SASH1: variants seen among roughly 807,000 people sequenced by gnomAD.
The protein encoded by SASH1 is SAM and SH3 domain-containing protein 1.
Under a neutral mutation model 125.2 loss-of-function variants are expected in SASH1, and 44 were observed. The ratio of observed to expected loss-of-function variants is 0.35; its 90% CI spans 0.28 to 0.45. The LOEUF is 0.45. SASH1 is among the 20% of genes least tolerant of loss of function. SASH1 has a pLI of 1.00. For synonymous variants in SASH1, 639 were observed against 649.1 expected (o/e 0.98, Z 0.24); for missense variants, 1,426 against 1,614.5 (o/e 0.88, Z 2.00).
chr6:148,286,953 C>T (rs1779497530), intron 1 of SASH1, among the ~76,000 whole-genome samples: 1 of 152,126 alleles, frequency 6.6e-6, no homozygotes, highest in Non-Finnish European at 1.5e-5. Flanking sequence ...GGTCCCATCA[C>T]CCAGGCTTCC....
At chr6:148,280,944 G>A (rs1779322623) in intron 1 of SASH1, among the ~76,000 whole-genome samples, 1 of 151,526 alleles carries the variant, frequency 6.6e-6, no homozygotes, top group South Asian at 2.1e-4. Flanking sequence ...GTTTTGTTTT[G>A]TTTTGTTGTT....
chr6:148,373,623 G>A (rs1444434236), intron 1 of SASH1, among the ~76,000 whole-genome samples: 2 of 152,140 alleles, frequency 1.3e-5, no homozygotes, highest in Non-Finnish European at 2.9e-5. Flanking sequence ...TGTGTTTAGA[G>A]GGTGCTTGAG....
At chr6:148,201,195 C>G in the SASH1 span, among the ~76,000 whole-genome samples, 1 of 152,152 alleles carries the variant, frequency 6.6e-6, no homozygotes, top group African/African-American at 2.4e-5. Flanking sequence ...TTAATGATGA[C>G]ACGATCATAA....
intron 5 of SASH1, 145 bp from the exon 6 acceptor site, chr6:148,471,272 A>C: frequency 1.6e-6 from 1 of 609,592 alleles, no homozygotes; most frequent in South Asian, 2.3e-5. Flanking sequence ...TCTTTCACTA[A>C]CTGAAAGAAA....
the SASH1 span, among the ~76,000 whole-genome samples, chr6:148,259,237 T>C: frequency 6.6e-6 from 1 of 152,232 alleles, no homozygotes; most frequent in African/African-American, 2.4e-5. Context: ...AACAGAACCA[T>C]CAGAGTTAAT....
At chr6:148,424,651 G>A (rs1775729055) in intron 2 of SASH1, among the ~76,000 whole-genome samples, 1 of 152,172 alleles carries the variant, frequency 6.6e-6, no homozygotes, top group Non-Finnish European at 1.5e-5. Context: ...GTTTACTGGT[G>A]TGAGCCACTG....
chr6:148,514,295 A>T (rs747454547), intron 8 of SASH1, 29 bp from the exon 9 acceptor site: 2 of 1,580,494 alleles, frequency 1.3e-6, no homozygotes, highest in Non-Finnish European at 1.7e-6. Context: ...CAATTACCTG[A>T]TTAACTTTTT....
At chr6:148,545,922 C>T in intron 18 of SASH1, 93 bp from the exon 19 acceptor site, 3 of 1,264,622 alleles carry the variant, frequency 2.4e-6, no homozygotes, top group Non-Finnish European at 3.3e-6. Flanking sequence ...GTCTAAGTGA[C>T]AGTGAGACCC....
intron 1 of SASH1, among the ~76,000 whole-genome samples, chr6:148,304,162 G>A (rs991487316): frequency 6.6e-6 from 1 of 152,180 alleles, no homozygotes; most frequent in East Asian, 1.9e-4. Context: ...AAAATGGCTG[G>A]GCGCAGTGGC....
At chr6:148,401,640 C>T (rs536417229) in intron 2 of SASH1, among the ~76,000 whole-genome samples, 15 of 152,242 alleles carry the variant, frequency 9.9e-5, no homozygotes, top group Middle Eastern at 6.8e-3. Context: ...AATATGAAGA[C>T]GTTCTAAATT....
chr6:148,297,630 C>A lies in SASH1; in HGVS notation n.74+25253C>A, dbSNP rs1021558235. On this transcript the variant is annotated intron_variant and non_coding_transcript_variant, in intron 1 of 3. Coordinates refer to the SASH1 transcript ENST00000367469. ...ATTGCCTGAGGTCAGGAGTTCAAGA[C>A]CAGCCTGGGCAACACGATGAAACAC... Among the ~76,000 whole-genome samples the A allele has an allele frequency of 7.9e-5, 12 of 152,252 alleles. No homozygotes were observed. In the East Asian group the frequency reaches 1.5e-3, roughly 20 times the overall value.
intron 2 of SASH1, among the ~76,000 whole-genome samples, chr6:148,415,969 A>G (rs558102183): frequency 1.0e-3 from 156 of 152,368 alleles, no homozygotes; most frequent in African/African-American, 3.6e-3. Context: ...TTGTGTAATT[A>G]TAGTGTGGGG....
At chr6:148,304,279 A>C (rs939546379) in intron 1 of SASH1, among the ~76,000 whole-genome samples, 1 of 152,102 alleles carries the variant, frequency 6.6e-6, no homozygotes, top group African/African-American at 2.4e-5. Context: ...TCTACTAAAA[A>C]AATACAAAAA....
chr6:148,257,678 T>C, the SASH1 span, among the ~76,000 whole-genome samples: 1 of 149,090 alleles, frequency 6.7e-6, no homozygotes, highest in Non-Finnish European at 1.5e-5. Flanking sequence ...GTCGCCAGGC[T>C]AGAGTGCAGT....
chr6:148,196,861 T>C, the SASH1 span, among the ~76,000 whole-genome samples: 9 of 151,902 alleles, frequency 5.9e-5, no homozygotes, highest in Non-Finnish European at 1.2e-4. Context: ...ATGATGGAAA[T>C]TGATGGATAG....
intron 1 of SASH1, among the ~76,000 whole-genome samples, chr6:148,352,789 C>T (rs1043372521): frequency 6.6e-6 from 1 of 151,496 alleles, no homozygotes; most frequent in African/African-American, 2.4e-5. Context: ...GCCAACATGG[C>T]GAAACCCCAC....
At chr6:148,313,387 T>C (rs1228711468) in intron 1 of SASH1, among the ~76,000 whole-genome samples, 1 of 152,184 alleles carries the variant, frequency 6.6e-6, no homozygotes, top group Admixed American at 6.5e-5. Flanking sequence ...AGCTATTACT[T>C]TCCCTACTAA....
At chr6:148,394,320 T>C (rs1783858332) in intron 2 of SASH1, among the ~76,000 whole-genome samples, 1 of 152,196 alleles carries the variant, frequency 6.6e-6, no homozygotes, top group South Asian at 2.1e-4. Context: ...AGTCTAGATG[T>C]CCATGTTAGA....
chr6:148,312,917 G>A (rs912091099), intron 1 of SASH1, among the ~76,000 whole-genome samples: 1 of 152,086 alleles, frequency 6.6e-6, no homozygotes, highest in Non-Finnish European at 1.5e-5. Flanking sequence ...AAGCTTCCTG[G>A]GGAGGTGGCA....
Sources: allele counts gnomAD v4.1 joint callset (sites outside exome capture counted in the v4.1 genomes callset), GRCh38; gene constraint gnomAD v4.1.1; transcripts MANE v1.5; gene names NCBI Gene and HGNC (gene_info 2026-07-23, HGNC 2026-07-21).